Variants in SCARA3 observed in about 807,000 individuals in gnomAD.
SCARA3 encodes scavenger receptor class A member 3.
In SCARA3, 39 loss-of-function variants were observed where a neutral mutation model predicts 47.0. That is an observed-to-expected ratio of 0.83 (90% confidence interval 0.64 to 1.08). SCARA3 has a LOEUF of 1.08. Among genes scored for constraint, SCARA3 ranks in the 50% least tolerant of loss-of-function variants. The pLI, the probability that SCARA3 is intolerant of heterozygous loss-of-function variation, is 0.00. For missense variants in SCARA3, 724 were observed against 792.3 expected (o/e 0.91, Z 1.04); for synonymous variants, 356 against 334.1 (o/e 1.07, Z -0.71).
the SCARA3 span, among the ~76,000 whole-genome samples, chr8:27,706,682 G>A: frequency 6.6e-6 from 1 of 152,152 alleles, no homozygotes; most frequent in Admixed American, 6.5e-5. Flanking sequence ...ACAAAAGCAG[G>A]TAAATGTGAG....
intron 3 of SCARA3, among the ~76,000 whole-genome samples, chr8:27,655,346 G>A (rs1330104962): frequency 3.3e-5 from 5 of 152,136 alleles, no homozygotes; most frequent in African/African-American, 1.2e-4. Flanking sequence ...TTGACCTTAA[G>A]AGGATCTGTG....
At chr8:27,711,635 A>G in the SCARA3 span, among the ~76,000 whole-genome samples, 1 of 152,314 alleles carries the variant, frequency 6.6e-6, no homozygotes, top group East Asian at 1.9e-4. Context: ...CTGGTTGGTC[A>G]TTGCTTCTAA....
At chr8:27,648,579 G>T (rs1373100651) in intron 1 of SCARA3, among the ~76,000 whole-genome samples, 1 of 152,016 alleles carries the variant, frequency 6.6e-6, no homozygotes, top group Non-Finnish European at 1.5e-5. Flanking sequence ...AATCCAGCCT[G>T]GGCGACACAG....
chr8:27,637,672 AG>A lies in SCARA3; in HGVS notation c.7+3470del, dbSNP rs1247466691. ...TCTGCTTGACTGCGGTGGCCAGGGCAGGGGGCAGCCCTCTGTTCCTCAGGCG... is the reference window on the plus strand; with the variant it reads ...TCTGCTTGACTGCGGTGGCCAGGGCAGGGGCAGCCCTCTGTTCCTCAGGCG... On this transcript the variant is annotated intron_variant, in intron 1 of 5. Transcript: ENST00000301904. Among the ~76,000 whole-genome samples the A allele has an allele frequency of 9.9e-5, 15 of 152,122 alleles. No individual in the cohort carries two copies. The South Asian group carries it at 1.5e-3, about 15-fold the overall frequency.
At chr8:27,728,041 C>T in the SCARA3 span, among the ~76,000 whole-genome samples, 1 of 152,228 alleles carries the variant, frequency 6.6e-6, no homozygotes, top group Non-Finnish European at 1.5e-5. Context: ...ATTCTTAAGG[C>T]AGGACACAAG....
chr8:27,719,317 G>A, the SCARA3 span, among the ~76,000 whole-genome samples: 1,311 of 152,224 alleles, frequency 8.6e-3, 18 homozygotes, highest in African/African-American at 0.03. Flanking sequence ...CATGTAAGTA[G>A]GAGCTAAATA....
the SCARA3 span, among the ~76,000 whole-genome samples, chr8:27,703,972 G>A: frequency 6.6e-6 from 1 of 151,054 alleles, no homozygotes; most frequent in Non-Finnish European, 1.5e-5. Context: ...GCAGGATGAG[G>A]GGCTGGCATT....
At chr8:27,660,689 T>G in intron 5 of SCARA3, among the ~76,000 whole-genome samples, 1 of 131,720 alleles carries the variant, frequency 7.6e-6, no homozygotes, top group African/African-American at 2.8e-5. Flanking sequence ...TGTAGAGTGA[T>G]AGATGATAGA....
Position 27,672,134 on chromosome 8 carries a change from G to C in SCARA3, c.*783G>C. 1.0e-6 allele frequency: 1 copy of C among 985,448 alleles called. No individual in the cohort carries two copies. 61.0% of individuals were successfully genotyped at this position (985,448 alleles called of 1,614,324 possible). A position where few individuals can be genotyped will look rare whatever the true frequency, so the allele number is the denominator to read the frequency against. ...CAGGGGACCAGCATACCCGGGAGCT[G>C]TCCCTGTCTGTCACAGCACAGTGGG... On this transcript the variant is annotated 3_prime_UTR_variant, in exon 6 of 6. Coordinates refer to ENST00000301904, the MANE Select transcript of SCARA3 (RefSeq NM_016240.3).
At chr8:27,702,322 G>A in the SCARA3 span, 1 of 152,378 alleles carries the variant, frequency 6.6e-6, no homozygotes, top group Non-Finnish European at 1.5e-5. Context: ...TTCTTCTGGT[G>A]AAGTCATCCG....
At chr8:27,694,894 C>T in the SCARA3 span, among the ~76,000 whole-genome samples, 1 of 152,026 alleles carries the variant, frequency 6.6e-6, no homozygotes. Context: ...ATCTGAAGGG[C>T]AAGGCATTGT....
rs1467899550 is a variant in SCARA3 at position 27,651,660 on chromosome 8, G to T, written c.226+33G>T. The T allele has an allele frequency of 2.5e-6, 4 of 1,607,564 alleles. No individual in the cohort carries two copies. The African/African-American group carries it at 5.3e-5, about 21-fold the overall frequency. ...CGGGGCTTTCCCACCCCGGGCTGCAGGGGGGTGTCTGATCAGGGATCCAGC... is the reference window on the plus strand; with the variant it reads ...CGGGGCTTTCCCACCCCGGGCTGCATGGGGGTGTCTGATCAGGGATCCAGC... On this transcript the variant is annotated intron_variant, in intron 3 of 5. Transcript: ENST00000301904.
intron 5 of SCARA3, among the ~76,000 whole-genome samples, chr8:27,666,908 C>T (rs914820980): frequency 6.6e-6 from 1 of 152,148 alleles, no homozygotes; most frequent in Non-Finnish European, 1.5e-5. Flanking sequence ...CCTAATGAGC[C>T]TGGAAAGCCT....
chr8:27,701,125 A>G, the SCARA3 span: 1 of 152,178 alleles, frequency 6.6e-6, no homozygotes, highest in African/African-American at 2.4e-5. Context: ...ATGCAAACCA[A>G]CTTGGATAAA....
At chr8:27,700,612 TA>T in the SCARA3 span, among the ~76,000 whole-genome samples, 139,387 of 146,990 alleles carry the variant, frequency 0.95, 66,197 homozygotes, top group South Asian at 0.99. Context: ...ACCTCAAAAA[TA>T]AAAAAAAAAA....
At chr8:27,712,240 G>T in the SCARA3 span, among the ~76,000 whole-genome samples, 1 of 152,066 alleles carries the variant, frequency 6.6e-6, no homozygotes. Context: ...TTTCAGGCTG[G>T]CTTCTTTCTG....
At chr8:27,643,623 T>G (rs1452085781) in intron 1 of SCARA3, among the ~76,000 whole-genome samples, 1 of 152,182 alleles carries the variant, frequency 6.6e-6, no homozygotes, top group Non-Finnish European at 1.5e-5. Context: ...TCTCCAACCT[T>G]AAACTAATAG....
At chr8:27,718,196 T>A in the SCARA3 span, among the ~76,000 whole-genome samples, 1 of 152,248 alleles carries the variant, frequency 6.6e-6, no homozygotes, top group Non-Finnish European at 1.5e-5. Flanking sequence ...GAAAACTCCC[T>A]GGCCCAGGCC....
chr8:27,723,552 C>T, the SCARA3 span, among the ~76,000 whole-genome samples: 1 of 152,166 alleles, frequency 6.6e-6, no homozygotes, highest in African/African-American at 2.4e-5. Flanking sequence ...TCATTAAGAG[C>T]TTTGTCCCAG....
Sources: gnomAD v4.1 joint callset for allele counts (sites outside exome capture counted in the v4.1 genomes callset) on GRCh38, gnomAD v4.1.1 for gene constraint, MANE v1.5 for transcripts, NCBI Gene and HGNC (gene_info 2026-07-23, HGNC 2026-07-21) for gene names.